Variants in TICAM2 observed in about 807,000 individuals in gnomAD.
The protein encoded by TICAM2 is TIR domain containing adaptor molecule 2.
In TICAM2, 8 loss-of-function variants were observed where a neutral mutation model predicts 7.3. The ratio of observed to expected loss-of-function variants is 1.10; its 90% CI spans 0.65 to 1.99. The LOEUF is 1.99. Ranked by LOEUF, TICAM2 falls within the 30% of genes most tolerant of loss-of-function variation. The pLI, the probability that TICAM2 is intolerant of heterozygous loss-of-function variation, is 0.00. For synonymous variants in TICAM2, 113 were observed against 99.6 expected, an observed-to-expected ratio of 1.13 and a Z score of -0.80; for missense variants, 304 against 278.8, an observed-to-expected ratio of 1.09 and a Z score of -0.65.
chr5:115,583,719 G>C (rs1239533949), intron 1 of TICAM2, among the ~76,000 whole-genome samples: 1 of 152,210 alleles, frequency 6.6e-6, no homozygotes, highest in Non-Finnish European at 1.5e-5. Flanking sequence ...CTGGGAGGAA[G>C]TGAGAGGACA....
Position 115,580,670 on chromosome 5 carries a change from T to C in TICAM2, c.587A>G (p.Glu196Gly). 6.3e-7 allele frequency: 1 copy of C among 1,587,364 alleles called. No homozygotes were observed. The highest frequency in any genetic ancestry group is 2.2e-5 in the East Asian group (1 of 44,788). Residue 196 changes from glutamate to glycine, a missense_variant, in exon 2 of 2, where the codon GAG (glutamate) becomes GGG (glycine). Physicochemically the swap from Glu to Gly is moderately conservative, Grantham distance 98. Transcript: ENST00000427199. ...TGTAGGAAATCCACGACTTTCTTCC[T>C]CTAAGGCATTGATGGTTTGGAGGGC... ...PFALQTINAL[E>G]EESRGFPTQV...
Position 115,581,265 on chromosome 5 carries a change from T to C in TICAM2, c.-9A>G, listed in dbSNP as rs768285910. ...GACTTCCCGATACCCATTATAAATATCCAAGGCAGAAGAGGAAAACTTTAT... is the reference window on the plus strand; with the variant it reads ...GACTTCCCGATACCCATTATAAATACCCAAGGCAGAAGAGGAAAACTTTAT... On this transcript the variant is annotated 5_prime_UTR_variant, in exon 2 of 2. Coordinates refer to ENST00000427199, the MANE Select transcript of TICAM2 (RefSeq NM_021649.7). 2 of 1,604,416 alleles carry C rather than the reference T, an allele frequency of 1.2e-6. No homozygotes were observed. Among genetic ancestry groups the C allele is most frequent in the Non-Finnish European group, 1.7e-6 (2 of 1,179,972 alleles).
At chr5:115,600,173 G>A (rs921677485) in intron 1 of TICAM2, among the ~76,000 whole-genome samples, 16 of 152,138 alleles carry the variant, frequency 1.1e-4, no homozygotes, top group African/African-American at 3.9e-4. Context: ...CAGTAACTGA[G>A]GCTGTTTATT....
chr5:115,593,545 A>G (rs1000591363), intron 1 of TICAM2, among the ~76,000 whole-genome samples: 9 of 152,234 alleles, frequency 5.9e-5, no homozygotes, highest in Non-Finnish European at 1.2e-4. Flanking sequence ...ATGCACATAT[A>G]TATCATGTTT....
intron 1 of TICAM2, among the ~76,000 whole-genome samples, chr5:115,584,567 T>A (rs182195827): frequency 6.6e-6 from 1 of 152,214 alleles, no homozygotes; most frequent in Non-Finnish European, 1.5e-5. Context: ...GTAACAGTGA[T>A]TCATTTGGTC....
At chr5:115,595,946 A>T (rs1013109063) in intron 1 of TICAM2, among the ~76,000 whole-genome samples, 5 of 152,154 alleles carry the variant, frequency 3.3e-5, no homozygotes, top group Non-Finnish European at 1.5e-5. Flanking sequence ...ATCTCTTATA[A>T]TATGTATTGC....
At chr5:115,601,208 C>T (rs1399449930) in intron 1 of TICAM2, among the ~76,000 whole-genome samples, 1 of 146,320 alleles carries the variant, frequency 6.8e-6, no homozygotes, top group Non-Finnish European at 1.5e-5. Flanking sequence ...CCATGGCACA[C>T]GTTTATCTAT....
rs1754858144 is a variant in TICAM2 at position 115,580,023 on chromosome 5, A to G, written c.*526T>C. ...AAAAAGTTCCACCATTCTCACATCT[A>G]TTTCTGATTTTATATGCATCAACGC... On this transcript the variant is annotated 3_prime_UTR_variant, in exon 2 of 2. Transcript: ENST00000427199. 1 of 152,150 alleles carries G rather than the reference A, an allele frequency of 6.6e-6. No homozygotes were observed. The highest frequency in any genetic ancestry group is 2.1e-4 in the South Asian group (1 of 4,826). The allele number at this position is 152,150 out of a possible 1,614,324, so 9.4% of individuals were successfully genotyped here.
At chr5:115,591,592 AAG>A (rs1755304855) in intron 1 of TICAM2, among the ~76,000 whole-genome samples, 1 of 152,238 alleles carries the variant, frequency 6.6e-6, no homozygotes, top group Admixed American at 6.5e-5. Flanking sequence ...CATGGCAGGT[AAG>A]AAAAAAATCT....
intron 1 of TICAM2, among the ~76,000 whole-genome samples, chr5:115,584,623 C>T (rs1184025337): frequency 6.6e-6 from 1 of 152,194 alleles, no homozygotes; most frequent in East Asian, 1.9e-4. Context: ...AAACTTATAA[C>T]TTGATAGAAT....
rs1011661424 is a variant in TICAM2, at chr5:115,579,010, G to A, written c.*1539C>T. On this transcript the variant is annotated 3_prime_UTR_variant, in exon 2 of 2. Transcript: ENST00000427199. Reference sequence around the variant, plus strand: ...TGTGCAGATCCCGGTACTGGTAGGGGATATACAAGTGGGGAATAAGAAAAA... The same window carrying A: ...TGTGCAGATCCCGGTACTGGTAGGGAATATACAAGTGGGGAATAAGAAAAA... 21 of 152,500 alleles carry A rather than the reference G, an allele frequency of 1.4e-4. No homozygotes were observed. Among genetic ancestry groups the A allele is most frequent in the African/African-American group, 4.8e-4 (20 of 41,384 alleles). 9.4% of individuals were successfully genotyped at this position (152,500 alleles called of 1,614,324 possible).
chr5:115,580,849 G>A lies in TICAM2; in HGVS notation c.408C>T (p.Ile136=). ...DDAVNGSAWT[I]LLLTENFLRD... ...TTAAAAAGTTTTCAGTCAGTAATAA[G>A]ATTGTCCATGCAGACCCATTTACAG... The change falls in exon 2 of 2, where the codon ATC becomes ATT. Residue 136 remains isoleucine (I), a synonymous_variant. Coordinates refer to ENST00000427199, the MANE Select transcript of TICAM2 (RefSeq NM_021649.7). 6.2e-7 allele frequency: 1 copy of A among 1,611,274 alleles called. No individual in the cohort carries two copies. Among genetic ancestry groups the A allele is most frequent in the Non-Finnish European group, 8.5e-7 (1 of 1,178,238 alleles).
chr5:115,580,471 C>A lies in TICAM2; in HGVS notation c.*78G>T. The A allele has an allele frequency of 7.0e-7, 1 of 1,433,314 alleles. No individual in the cohort carries two copies. Among genetic ancestry groups the A allele is most frequent in the Admixed American group, 3.2e-5 (1 of 31,644 alleles). The allele number at this position is 1,433,314 out of a possible 1,614,324, so 88.8% of individuals were successfully genotyped here. On this transcript the variant is annotated 3_prime_UTR_variant, in exon 2 of 2. Coordinates refer to ENST00000427199, the MANE Select transcript of TICAM2 (RefSeq NM_021649.7). The stretch of plus-strand genomic sequence containing the variant: ...AGACTCTCTTTTATTTAAACATTTC[C>A]TAGAAACTGCTTTCTCAAGTGAAGA...
intron 1 of TICAM2, among the ~76,000 whole-genome samples, chr5:115,584,469 A>T (rs577297563): frequency 6.6e-6 from 1 of 152,230 alleles, no homozygotes; most frequent in Non-Finnish European, 1.5e-5. Context: ...AGGACAAACT[A>T]TGCTGCAATG....
intron 1 of TICAM2, among the ~76,000 whole-genome samples, chr5:115,589,340 C>T (rs1350605154): frequency 7.9e-5 from 12 of 152,328 alleles, no homozygotes; most frequent in Non-Finnish European, 4.4e-5. Context: ...ATAAGAAACA[C>T]ATAGACTATT....
chr5:115,597,459 C>T (rs777534622), intron 1 of TICAM2, among the ~76,000 whole-genome samples: 48 of 152,092 alleles, frequency 3.2e-4, no homozygotes, highest in Non-Finnish European at 6.5e-4. Context: ...TTAACTATGT[C>T]ACATTATTCA....
intron 1 of TICAM2, among the ~76,000 whole-genome samples, chr5:115,582,150 T>G (rs1032754543): frequency 8.6e-5 from 13 of 151,968 alleles, no homozygotes; most frequent in African/African-American, 3.1e-4. Flanking sequence ...ATTTATTTAT[T>G]CATTTATTTA....
intron 1 of TICAM2, among the ~76,000 whole-genome samples, chr5:115,598,651 C>T (rs919300829): frequency 6.6e-6 from 1 of 152,122 alleles, no homozygotes; most frequent in African/African-American, 2.4e-5. Flanking sequence ...CTTAACCCCC[C>T]TACTCTTCTC....
At chr5:115,596,387 G>A (rs1352393834) in intron 1 of TICAM2, among the ~76,000 whole-genome samples, 5 of 152,140 alleles carry the variant, frequency 3.3e-5, no homozygotes, top group Non-Finnish European at 7.3e-5. Context: ...TTCTTGATAT[G>A]ACAAATAATA....
Sources: allele counts gnomAD v4.1 joint callset (sites outside exome capture counted in the v4.1 genomes callset), GRCh38; gene constraint gnomAD v4.1.1; transcripts MANE v1.5; gene names NCBI Gene and HGNC (gene_info 2026-07-23, HGNC 2026-07-21).